The following COMTD1 variants were observed in gnomAD, a reference collection of about 807,000 sequenced individuals.
The protein encoded by COMTD1 is catechol-O-methyltransferase domain containing 1, also known as catechol O-methyltransferase domain-containing protein 1.
Under a neutral mutation model 33.6 loss-of-function variants are expected in COMTD1, and 35 were observed. The observed-to-expected ratio is 1.04, with a 90% CI of 0.80 to 1.38. COMTD1 has a LOEUF of 1.38. Among genes scored for constraint, COMTD1 ranks in the 40% most tolerant of loss-of-function variants. The pLI, the probability that COMTD1 is intolerant of heterozygous loss-of-function variation, is 0.00. For synonymous variants in COMTD1, 160 were observed against 176.8 expected (o/e 0.91, Z 0.75); for missense variants, 370 against 363.4 (o/e 1.02, Z -0.15).
chr10:75,234,751 GGGGA>G lies in COMTD1; in HGVS notation c.503-12_503-9del. The G allele has an allele frequency of 6.3e-7, 1 of 1,577,586 alleles. No individual in the cohort carries two copies. The highest frequency in any genetic ancestry group is 2.3e-5 in the East Asian group (1 of 42,564). ...CCGCCGCCAGCAGCTCGTCTTGCGGGGGGAGGGAGGGCAGGTGCGGCTGAGTCCG... is the reference window on the plus strand; with the variant it reads ...CCGCCGCCAGCAGCTCGTCTTGCGGGGGGAGGGCAGGTGCGGCTGAGTCCG... On this transcript the variant is annotated splice_polypyrimidine_tract_variant and intron_variant, in intron 5 of 6. Transcript: ENST00000372538.
Position 75,234,225 on chromosome 10 carries a change from C to A in COMTD1, c.637G>T (p.Val213Phe). Reference protein sequence around the residue: ...RPGGILAVLRVLWRGKVLQPP... With the variant: ...RPGGILAVLRFLWRGKVLQPP... ...TGCAGCACCTTCCCGCGCCACAGGA[C>A]CTGCGGGAGGGCGGGGCCAACCGGG... is the stretch of plus-strand genomic sequence containing the variant. The change falls in exon 7 of 7, where the codon GTC becomes TTC. Residue 213 changes from valine to phenylalanine, a missense_variant and splice_region_variant. By Grantham distance (50) the Val-to-Phe change is conservative (BLOSUM62 -1). Transcript: ENST00000372538. 1 of 1,609,366 alleles carries A rather than the reference C, an allele frequency of 6.2e-7. No individual in the cohort carries two copies. Among genetic ancestry groups the A allele is most frequent in the Non-Finnish European group, 8.5e-7 (1 of 1,178,848 alleles).
chr10:75,235,051 G>A lies in COMTD1; in HGVS notation c.447+9C>T. 2 of 1,449,068 alleles carry A rather than the reference G, an allele frequency of 1.4e-6. No individual in the cohort carries two copies. Among genetic ancestry groups the A allele is most frequent in the Non-Finnish European group, 1.8e-6 (2 of 1,104,798 alleles). The allele number at this position is 1,449,068 out of a possible 1,614,324, so 89.8% of individuals were successfully genotyped here. On this transcript the variant is annotated intron_variant, in intron 4 of 6. Transcript: ENST00000372538. Reference sequence around the variant, plus strand: ...GCCTGGGGCTGCAGAGCTAGGCGCGGGCGCTCACCTGCCTCCACAGGGGCC... The same window carrying A: ...GCCTGGGGCTGCAGAGCTAGGCGCGAGCGCTCACCTGCCTCCACAGGGGCC...
rs527628753 is a variant in COMTD1 at position 75,235,449 on chromosome 10, C to A, written c.223-77G>T. On this transcript the variant is annotated intron_variant, in intron 2 of 6. Coordinates refer to ENST00000372538, the MANE Select transcript of COMTD1 (RefSeq NM_144589.4). ...CTGGGGGTCCCAAGCCCCAGGGGCGCGGTTCTGGGCGTGGCCTGGGGGACT... is the reference window on the plus strand; with the variant it reads ...CTGGGGGTCCCAAGCCCCAGGGGCGAGGTTCTGGGCGTGGCCTGGGGGACT... 236 of 1,342,384 alleles carry A rather than the reference C, an allele frequency of 1.8e-4. 2 individuals carry two copies. The East Asian group carries it at 5.8e-3, about 33-fold the overall frequency. The allele number at this position is 1,342,384 out of a possible 1,614,324, so 83.2% of individuals were successfully genotyped here.
chr10:75,234,053 C>A lies in COMTD1; in HGVS notation c.*20G>T. ...GTTCCCAGGCAACCCTCCCTCGAGC[C>A]CACTCACTAGGGGCCAGCCCTAGAT... On this transcript the variant is annotated 3_prime_UTR_variant, in exon 7 of 7. Coordinates refer to ENST00000372538, the MANE Select transcript of COMTD1 (RefSeq NM_144589.4). The A allele has an allele frequency of 6.2e-7, 1 of 1,613,934 alleles. No individual in the cohort carries two copies. The highest frequency in any genetic ancestry group is 1.3e-5 in the African/African-American group (1 of 75,082).
intron 5 of COMTD1, 77 bp from the exon 6 acceptor site, chr10:75,234,820 G>C: frequency 6.5e-7 from 1 of 1,528,970 alleles, no homozygotes; most frequent in Non-Finnish European, 8.8e-7. Context: ...GGCCGGCCCG[G>C]GCTCTGTGAC....
rs144912197 is a variant in COMTD1 at position 75,234,633 on chromosome 10, C to A, written c.613G>T (p.Gly205Ter). ...YERCLQLLRP[G>*]GILAVLRVLW... ...ACTCTGAGGACGGCGAGGATGCCTC[C>A]GGGTCGCAGCAGCTGCAGGCAGCGC... Residue 205 changes from glycine to a stop codon, truncating the protein, a stop_gained, in exon 6 of 7, where the codon GGA becomes TGA. Coordinates refer to ENST00000372538, the MANE Select transcript of COMTD1 (RefSeq NM_144589.4). LOFTEE classifies it high-confidence loss of function. The A allele has an allele frequency of 1.3e-6, 2 of 1,564,718 alleles. No homozygotes were observed. The highest frequency in any genetic ancestry group is 1.7e-6 in the Non-Finnish European group (2 of 1,155,174).
At position 75,235,189 on chromosome 10, in the gene COMTD1, G is replaced by C. The variant is rs774028322; in HGVS notation, c.329-11C>G. On this transcript the variant is annotated splice_polypyrimidine_tract_variant and intron_variant, in intron 3 of 6. Coordinates refer to ENST00000372538, the MANE Select transcript of COMTD1 (RefSeq NM_144589.4). ...AGCCCGTGAAGGTGCCTGGGACCAG[G>C]ACACAGACGGGCTCAGCCCAGAGTG... The C allele has an allele frequency of 1.8e-4, 250 of 1,427,046 alleles. No individual in the cohort carries two copies. Among genetic ancestry groups the C allele is most frequent in the Non-Finnish European group, 2.1e-4 (235 of 1,094,948 alleles). 88.4% of individuals were successfully genotyped at this position (1,427,046 alleles called of 1,614,324 possible). A position where few individuals can be genotyped will look rare whatever the true frequency, so the allele number is the denominator to read the frequency against.
Position 75,234,967 on chromosome 10 carries a change from A to G in COMTD1, c.473T>C (p.Leu158Pro). Reference sequence around the variant, plus strand: ...GGTCTCCAAGGCGGGCTTCAGCCGGAGGTCGATCTTGTGCTCCGCCTCGGC... The same window carrying G: ...GGTCTCCAAGGCGGGCTTCAGCCGGGGGTCGATCTTGTGCTCCGCCTCGGC... Reference protein sequence around the residue: ...RQAEAEHKIDLRLKPALETLD... With the variant: ...RQAEAEHKIDPRLKPALETLD... The change falls in exon 5 of 7, where the codon CTC becomes CCC. Residue 158 changes from leucine (L) to proline (P), a missense_variant. Coordinates refer to ENST00000372538, the MANE Select transcript of COMTD1 (RefSeq NM_144589.4). 6.6e-7 allele frequency: 1 copy of G among 1,526,480 alleles called. No individual in the cohort carries two copies. Among genetic ancestry groups the G allele is most frequent in the Non-Finnish European group, 8.8e-7 (1 of 1,139,356 alleles). The allele number at this position is 1,526,480 out of a possible 1,614,324, so 94.6% of individuals were successfully genotyped here.
chr10:75,235,422 C>T (rs1313690575), intron 2 of COMTD1, 50 bp from the exon 3 acceptor site: 5 of 1,405,792 alleles, frequency 3.6e-6, no homozygotes, highest in African/African-American at 1.5e-5. Context: ...CCCACCTTCG[C>T]CCTGGGGGTC....
Position 75,234,014 on chromosome 10 carries a change from G to T in COMTD1, c.*59C>A, listed in dbSNP as rs532476988. ...CTTTATTTTCGAATTTAAAACTCAG[G>T]GTCAATTCCTGGGGTTCCCAGGCAA... On this transcript the variant is annotated 3_prime_UTR_variant, in exon 7 of 7. Transcript: ENST00000372538. The T allele has an allele frequency of 6.8e-5, 109 of 1,612,662 alleles. No homozygotes were observed. The African/African-American group carries it at 1.4e-3, about 21-fold the overall frequency.
chr10:75,233,956 C>CG lies in COMTD1; in HGVS notation c.*116dup. On this transcript the variant is annotated 3_prime_UTR_variant, in exon 7 of 7. Coordinates refer to ENST00000372538, the MANE Select transcript of COMTD1 (RefSeq NM_144589.4). ...TCCCTTCCCCATCCAGCGCCACACA[C>CG]GGAGGCTCAGGAGGTCGTGTGTCCC... 1.3e-6 allele frequency: 2 copies of CG among 1,577,062 alleles called. No homozygotes were observed. Among genetic ancestry groups the CG allele is most frequent in the Non-Finnish European group, 1.7e-6 (2 of 1,166,154 alleles).
rs771897543 is a variant in COMTD1, at chr10:75,234,625, G to T, written c.621C>A (p.Ile207=). Residue 207 remains isoleucine (I), a synonymous_variant, in exon 6 of 7, where the codon ATC becomes ATA. Coordinates refer to ENST00000372538, the MANE Select transcript of COMTD1 (RefSeq NM_144589.4). The part of the protein sequence containing the change: ...RCLQLLRPGG[I]LAVLRVLWRG... Reference sequence around the variant, plus strand: ...GATCCCTTACTCTGAGGACGGCGAGGATGCCTCCGGGTCGCAGCAGCTGCA... The same window carrying T: ...GATCCCTTACTCTGAGGACGGCGAGTATGCCTCCGGGTCGCAGCAGCTGCA... 3.8e-6 allele frequency: 6 copies of T among 1,564,092 alleles called. No individual in the cohort carries two copies. In the Admixed American group the frequency reaches 1.1e-4, roughly 29 times the overall value.
rs958803688 is a variant in COMTD1, at chr10:75,235,845, G to A, written c.84C>T (p.Gly28=). The change falls in exon 1 of 7, where the codon GGC becomes GGT. Residue 28 remains glycine (G), a synonymous_variant. Transcript: ENST00000372538. ...SAALGAAFAT[G]LFLGRRCPPW... Reference sequence around the variant, plus strand: ...CCAGGTCCTGCTCACCCAGGAAGAGGCCAGTGGCGAAGGCGGCGCCCAGTG... The same window carrying A: ...CCAGGTCCTGCTCACCCAGGAAGAGACCAGTGGCGAAGGCGGCGCCCAGTG... The A allele has an allele frequency of 2.1e-5, 32 of 1,530,718 alleles. No homozygotes were observed. The highest frequency in any genetic ancestry group is 1.7e-4 in the African/African-American group (12 of 71,528). 94.8% of individuals were successfully genotyped at this position (1,530,718 alleles called of 1,614,324 possible).
At position 75,235,261 on chromosome 10, in the gene COMTD1, C is replaced by G. The variant is rs750701115; in HGVS notation, c.328+6G>C. The G allele has an allele frequency of 8.4e-5, 129 of 1,543,820 alleles. No homozygotes were observed. In the Middle Eastern group the frequency reaches 1.3e-3, roughly 15 times the overall value. On this transcript the variant is annotated splice_donor_region_variant and intron_variant, in intron 3 of 6. Coordinates refer to ENST00000372538, the MANE Select transcript of COMTD1 (RefSeq NM_144589.4). ...GCCCTCCGGGATCCCGGCCGCGTGC[C>G]CCTACCCAGGTCCAGCGCCTTCTTG...
chr10:75,234,755 A>G lies in COMTD1; in HGVS notation c.503-12T>C, dbSNP rs1412649760. The G allele has an allele frequency of 3.2e-6, 5 of 1,569,254 alleles. No individual in the cohort carries two copies. Among genetic ancestry groups the G allele is most frequent in the East Asian group, 2.4e-5 (1 of 41,874 alleles). On this transcript the variant is annotated splice_polypyrimidine_tract_variant and intron_variant, in intron 5 of 6. Coordinates refer to ENST00000372538, the MANE Select transcript of COMTD1 (RefSeq NM_144589.4). ...CGCCAGCAGCTCGTCTTGCGGGGGG[A>G]GGGAGGGCAGGTGCGGCTGAGTCCG...
chr10:75,235,727 T>TG lies in COMTD1; in HGVS notation c.110dup (p.Trp38MetfsTer263). 1 of 1,601,864 alleles carries TG rather than the reference T, an allele frequency of 6.2e-7. No homozygotes were observed. Among genetic ancestry groups the TG allele is most frequent in the African/African-American group, 1.3e-5 (1 of 74,694 alleles). ...GGCACTGCTCTCGCCGGCCTCGCCATGGGGGGCACCGCCTCCCTGACGGGG... is the reference window on the plus strand; with the variant it reads ...GGCACTGCTCTCGCCGGCCTCGCCATGGGGGGGCACCGCCTCCCTGACGGGG... On this transcript the variant is annotated frameshift_variant, in exon 2 of 7. Transcript: ENST00000372538. LOFTEE classifies it high-confidence loss of function.
At chr10:75,235,448 G>T in intron 2 of COMTD1, 76 bp from the exon 3 acceptor site, 1 of 1,338,472 alleles carries the variant, frequency 7.5e-7, no homozygotes, top group Non-Finnish European at 9.9e-7. Context: ...CCCCAGGGGC[G>T]CGGTTCTGGG....
At chr10:75,234,316 C>T (rs1842154326) in intron 6 of COMTD1, 91 bp from the exon 7 acceptor site, 2 of 1,357,276 alleles carry the variant, frequency 1.5e-6, no homozygotes, top group Admixed American at 2.2e-5. Flanking sequence ...AGGGAGGTGC[C>T]CGGGCGGGAG....
At position 75,235,724 on chromosome 10, in the gene COMTD1, C is replaced by A; in HGVS notation, c.114G>T (p.Trp38Cys). ...GCAGGCACTGCTCTCGCCGGCCTCG[C>A]CATGGGGGGCACCGCCTCCCTGACG... ...GLFLGRRCPP[W>C]RGRREQCLLP... Residue 38 changes from tryptophan to cysteine, a missense_variant, in exon 2 of 7, where the codon TGG becomes TGT. Trp to Cys is a radical substitution (Grantham distance 215). Coordinates refer to ENST00000372538, the MANE Select transcript of COMTD1 (RefSeq NM_144589.4). 6.2e-7 allele frequency: 1 copy of A among 1,601,554 alleles called. No individual in the cohort carries two copies. The highest frequency in any genetic ancestry group is 8.5e-7 in the Non-Finnish European group (1 of 1,175,552).
Sources: gnomAD v4.1 joint callset for allele counts on GRCh38, gnomAD v4.1.1 for gene constraint, MANE v1.5 for transcripts, NCBI Gene and HGNC (gene_info 2026-07-23, HGNC 2026-07-21) for gene names.